The following METTL15 variants were observed in gnomAD, a reference collection of about 807,000 sequenced individuals.
The protein encoded by METTL15 is methyltransferase 15, mitochondrial 12S rRNA N4-cytidine.
METTL15 carries 34 observed loss-of-function variants against 38.3 expected under a neutral mutation model. That is an observed-to-expected ratio of 0.89 (90% confidence interval 0.68 to 1.18). METTL15 has a LOEUF of 1.18. Ranked by LOEUF, METTL15 falls within the 50% of genes most tolerant of loss-of-function variation. METTL15 has a pLI of 0.00. For missense variants in METTL15, 438 were observed against 498.4 expected, an observed-to-expected ratio of 0.88 and a Z score of 1.15; for synonymous variants, 162 against 170.9, an observed-to-expected ratio of 0.95 and a Z score of 0.41.
chr11:28,420,431 A>G (rs1850809381), intron 5 of METTL15, among the ~76,000 whole-genome samples: 1 of 152,152 alleles, frequency 6.6e-6, no homozygotes, highest in Non-Finnish European at 1.5e-5. Context: ...CTTTCCCTTA[A>G]CAAATGGATC....
chr11:28,337,135 TG>T (rs1345493785), downstream of METTL15, among the ~76,000 whole-genome samples: 1 of 152,202 alleles, frequency 6.6e-6, no homozygotes, highest in Non-Finnish European at 1.5e-5. Context: ...AAAATGTTTT[TG>T]TACAGCATGT....
chr11:28,473,773 C>G (rs576198877), intron 6 of METTL15, among the ~76,000 whole-genome samples: 1 of 152,200 alleles, frequency 6.6e-6, no homozygotes, highest in Non-Finnish European at 1.5e-5. Flanking sequence ...CTTGGCCTGA[C>G]CCTCACACTC....
At chr11:28,393,575 G>T (rs979069252) in intron 5 of METTL15, among the ~76,000 whole-genome samples, 3 of 152,044 alleles carry the variant, frequency 2.0e-5, no homozygotes, top group Admixed American at 6.6e-5. Flanking sequence ...ACGGGGGCTG[G>T]CTGTTGGCAG....
At chr11:28,246,810 C>A (rs1156582513) in intron 4 of METTL15, among the ~76,000 whole-genome samples, 2 of 152,096 alleles carry the variant, frequency 1.3e-5, no homozygotes, top group Non-Finnish European at 2.9e-5. Flanking sequence ...ACTGCACTGT[C>A]CAATATAGTA....
intron 3 of METTL15, among the ~76,000 whole-genome samples, chr11:28,346,993 C>T (rs1447510706): frequency 1.3e-5 from 2 of 152,134 alleles, no homozygotes; most frequent in African/African-American, 4.8e-5. Context: ...TGGCTCAGCT[C>T]AAAAATGTCT....
chr11:28,290,917 AAC>A (rs1448900650), intron 5 of METTL15, among the ~76,000 whole-genome samples: 3 of 152,236 alleles, frequency 2.0e-5, no homozygotes, highest in Admixed American at 2.0e-4. Flanking sequence ...TATGATATCA[AAC>A]ACAGTACTAT....
At chr11:28,349,293 C>T (rs1016406424) in intron 3 of METTL15, among the ~76,000 whole-genome samples, 2 of 152,202 alleles carry the variant, frequency 1.3e-5, no homozygotes, top group Non-Finnish European at 2.9e-5. Flanking sequence ...TGCTGGGCCA[C>T]CACACCCCTT....
At position 28,263,667 on chromosome 11, in the gene METTL15, A is replaced by G. The variant is rs1292211310; in HGVS notation, c.408-26539A>G. Among the ~76,000 whole-genome samples the G allele has an allele frequency of 2.6e-5, 4 of 152,158 alleles. No individual in the cohort carries two copies. The South Asian group carries it at 6.2e-4, about 24-fold the overall frequency. ...ACTTAATAGATGTGCAACATTTTTC[A>G]TGGACCTTTTTCGAATTGAGTAATT... On this transcript the variant is annotated intron_variant, in intron 4 of 6. Coordinates refer to ENST00000407364, the MANE Select transcript of METTL15 (RefSeq NM_001113528.2).
intron 5 of METTL15, among the ~76,000 whole-genome samples, chr11:28,375,899 T>C (rs1328274711): frequency 2.6e-5 from 4 of 151,936 alleles, no homozygotes; most frequent in African/African-American, 9.7e-5. Context: ...AGAACATCTT[T>C]ATTTCTGCCT....
chr11:28,440,816 C>T (rs893599807), intron 6 of METTL15, among the ~76,000 whole-genome samples: 5 of 152,124 alleles, frequency 3.3e-5, no homozygotes, highest in African/African-American at 7.2e-5. Context: ...CTTTCTCCTC[C>T]AGCCCTCTGC....
intron 6 of METTL15, among the ~76,000 whole-genome samples, chr11:28,454,149 G>A (rs1164347828): frequency 1.3e-5 from 2 of 152,140 alleles, no homozygotes; most frequent in Non-Finnish European, 2.9e-5. Flanking sequence ...CAGAGCCAGG[G>A]ACCCCTGATC....
At chr11:28,393,181 T>A (rs78466065) in intron 5 of METTL15, among the ~76,000 whole-genome samples, 631 of 152,132 alleles carry the variant, frequency 4.1e-3, no homozygotes, top group Non-Finnish European at 6.0e-3. Flanking sequence ...GAATATACAT[T>A]TAAGGGAATT....
chr11:28,306,567 C>T (rs934371314), intron 6 of METTL15, among the ~76,000 whole-genome samples: 1 of 151,958 alleles, frequency 6.6e-6, no homozygotes, highest in Admixed American at 6.6e-5. Flanking sequence ...GTTCTCTTTA[C>T]TTCACCCAAA....
At chr11:28,396,808 G>A (rs1356526592) in intron 5 of METTL15, among the ~76,000 whole-genome samples, 3 of 152,106 alleles carry the variant, frequency 2.0e-5, no homozygotes, top group South Asian at 2.1e-4. Flanking sequence ...AAAGAAGAAA[G>A]CTGGAGGCAT....
chr11:28,433,552 TAATG>T (rs1850955210), intron 6 of METTL15, among the ~76,000 whole-genome samples: 1 of 152,144 alleles, frequency 6.6e-6, no homozygotes, highest in Admixed American at 6.5e-5. Context: ...ACAAGACAAT[TAATG>T]AACGCAAATT....
At chr11:28,472,668 G>A (rs1304709383) in intron 6 of METTL15, among the ~76,000 whole-genome samples, 2 of 152,104 alleles carry the variant, frequency 1.3e-5, no homozygotes, top group African/African-American at 2.4e-5. Flanking sequence ...AGACTAGCTG[G>A]GGAAATAAAC....
At chr11:28,199,367 A>C (rs1183644524) in intron 3 of METTL15, among the ~76,000 whole-genome samples, 1 of 152,144 alleles carries the variant, frequency 6.6e-6, no homozygotes, top group Non-Finnish European at 1.5e-5. Flanking sequence ...TCTCTTCAAA[A>C]TCTGTACCCA....
At chr11:28,265,408 A>G (rs1306005768) in intron 4 of METTL15, among the ~76,000 whole-genome samples, 1 of 152,020 alleles carries the variant, frequency 6.6e-6, no homozygotes, top group Non-Finnish European at 1.5e-5. Context: ...AACTTTGAGA[A>G]AAGCATGAAA....
chr11:28,329,932 TTAA>T (rs1849759791), intron 6 of METTL15, among the ~76,000 whole-genome samples: 1 of 152,172 alleles, frequency 6.6e-6, no homozygotes, highest in Non-Finnish European at 1.5e-5. Context: ...AAATTAGCTG[TTAA>T]TAATATTTTT....
Sources: gnomAD v4.1 joint callset for allele counts (sites outside exome capture counted in the v4.1 genomes callset) on GRCh38, gnomAD v4.1.1 for gene constraint, MANE v1.5 for transcripts, NCBI Gene and HGNC (gene_info 2026-07-23, HGNC 2026-07-21) for gene names.